Variants in ATRX observed in about 807,000 individuals in gnomAD.
ATRX encodes the protein ATRX chromatin remodeler.
ATRX carries 12 observed loss-of-function variants against 172.6 expected under a neutral mutation model. That is an observed-to-expected ratio of 0.07 (90% confidence interval 0.04 to 0.11). The LOEUF (loss-of-function observed/expected upper bound fraction) is 0.11. Ranked by LOEUF, ATRX falls within the 10% of genes least tolerant of loss-of-function variation. The pLI is 1.00. For missense variants in ATRX, 1,368 were observed against 1,767.4 expected (o/e 0.77, Z 4.05); for synonymous variants, 674 against 594.7 (o/e 1.13, Z -1.94).
rs2148604928 is a variant in ATRX at position 77,683,078 on chromosome X, A to G, written c.2178T>C (p.Asp726=). 1 of 1,210,719 alleles carries G rather than the reference A, an allele frequency of 8.3e-7. No individual in the cohort carries two copies. The highest frequency in any genetic ancestry group is 1.1e-6 in the Non-Finnish European group (1 of 894,977). ...GCATTTCATCAGAATCTGAATTTTG[A>G]TCCACAGTCTCTGATTGCTTAGATT... ...LPKSKQSETV[D]QNSDSDEMLA... The change falls in exon 9 of 35, where the codon GAT becomes GAC. Residue 726 remains aspartate, a synonymous_variant. Transcript: ENST00000373344.
rs1280555560 is a variant in ATRX, at chrX:77,663,406, C to T, written c.4096G>A (p.Val1366Ile). ...CCCTTTCTTCTGTTTCTGCCTTTGA[C>T]TTCTTTATGCTCTTTAGGCTTTGTC... Reference protein sequence around the residue: ...KKTKPKEHKEVKGRNRRKVSS... With the variant: ...KKTKPKEHKEIKGRNRRKVSS... Residue 1366 changes from valine (V) to isoleucine (I), a missense_variant, in exon 12 of 35, where the codon GTC becomes ATC. Transcript: ENST00000373344. 1 of 1,209,975 alleles carries T rather than the reference C, an allele frequency of 8.3e-7. No homozygotes were observed. The highest frequency in any genetic ancestry group is 1.7e-5 in the African/African-American group (1 of 57,246).
rs781860664 is a variant in ATRX at position 77,722,766 on chromosome X, C to T, written c.21-5523G>A. Among the ~76,000 whole-genome samples the T allele has an allele frequency of 1.3e-4, 14 of 111,642 alleles. No individual in the cohort carries two copies. The East Asian group carries it at 3.4e-3, about 27-fold the overall frequency. Reference sequence around the variant, plus strand: ...TGGGAGGGTAAATTAGTTCAACCATCGTGGCAGACAGTGTGGCGATTCCTC... The same window carrying T: ...TGGGAGGGTAAATTAGTTCAACCATTGTGGCAGACAGTGTGGCGATTCCTC... On this transcript the variant is annotated intron_variant, in intron 1 of 34. Transcript: ENST00000373344.
intron 9 of ATRX, among the ~76,000 whole-genome samples, chrX:77,681,100 C>A (rs5912891): frequency 0.52 from 56,912 of 110,261 alleles, 12,893 homozygotes; most frequent in Non-Finnish European, 0.69. Flanking sequence ...ACAAAGTTAT[C>A]TGTTCAAACT....
chrX:77,533,361 T>C (rs1206678544), intron 30 of ATRX, among the ~76,000 whole-genome samples: 1 of 112,058 alleles, frequency 8.9e-6, no homozygotes, highest in Non-Finnish European at 1.9e-5. Flanking sequence ...AAAAGCAAAG[T>C]CATGGAATCA....
At chrX:77,744,752 C>G (rs1222343846) in intron 1 of ATRX, among the ~76,000 whole-genome samples, 1 of 110,759 alleles carries the variant, frequency 9.0e-6, no homozygotes, top group East Asian at 2.8e-4. Context: ...CTTTGAGACA[C>G]CAACGCAGGA....
At position 77,626,502 on chromosome X, in the gene ATRX, T is replaced by C. The variant is rs782546631; in HGVS notation, c.5135-5970A>G. ...ACCTTGAAAGATATGACAAATATAT[T>C]ACTAAATAAAAAGGAGTGTGTTGCA... On this transcript the variant is annotated intron_variant, in intron 19 of 34. Coordinates refer to ENST00000373344, the MANE Select transcript of ATRX (RefSeq NM_000489.6). Among the ~76,000 whole-genome samples, 5 of 111,610 alleles carry C rather than the reference T, an allele frequency of 4.5e-5. No homozygotes were observed. In the South Asian group the frequency reaches 1.9e-3, roughly 42 times the overall value.
chrX:77,517,143 A>T (rs2063079959), intron 34 of ATRX, among the ~76,000 whole-genome samples: 1 of 110,900 alleles, frequency 9.0e-6, no homozygotes, highest in Non-Finnish European at 1.9e-5. Context: ...AAAAACAAAC[A>T]CCTACCAATG....
intron 12 of ATRX, among the ~76,000 whole-genome samples, chrX:77,662,937 C>T (rs2070002999): frequency 8.9e-6 from 1 of 111,877 alleles, no homozygotes; most frequent in African/African-American, 3.3e-5. Flanking sequence ...CCTTGTGATC[C>T]ACCCGACTTG....
At chrX:77,631,013 T>G (rs1439506729) in intron 19 of ATRX, among the ~76,000 whole-genome samples, 2 of 110,639 alleles carry the variant, frequency 1.8e-5, no homozygotes, top group Non-Finnish European at 1.9e-5. Context: ...CAATTTTCAG[T>G]AAAAGGAACC....
intron 27 of ATRX, 152 bp downstream of exon 27, chrX:77,589,682 T>C: frequency 2.3e-6 from 1 of 444,118 alleles, no homozygotes; most frequent in Non-Finnish European, 4.0e-6. Context: ...TATACATATA[T>C]ATGGATAAGG....
chrX:77,724,424 G>A (rs2148785180), intron 1 of ATRX, among the ~76,000 whole-genome samples: 1 of 107,680 alleles, frequency 9.3e-6, no homozygotes, highest in East Asian at 2.9e-4. Context: ...GAGAGAGGGA[G>A]TCTCACTATG....
At chrX:77,633,452 T>C (rs1233789564) in intron 18 of ATRX, 68 bp from the exon 19 acceptor site, 4 of 1,121,435 alleles carry the variant, frequency 3.6e-6, no homozygotes, top group Non-Finnish European at 2.4e-6. Flanking sequence ...ATATTCCCAC[T>C]GAAATATGCA....
intron 2 of ATRX, 26 bp downstream of exon 2, chrX:77,717,105 G>T: frequency 8.9e-7 from 1 of 1,120,155 alleles, no homozygotes; most frequent in South Asian, 1.8e-5. Context: ...AGACTAGAAG[G>T]TATAGCACAT....
intron 27 of ATRX, among the ~76,000 whole-genome samples, chrX:77,585,953 G>A (rs1442346059): frequency 9.0e-6 from 1 of 111,211 alleles, no homozygotes; most frequent in African/African-American, 3.3e-5. Context: ...TTGAACTCAT[G>A]GAGATACAGA....
At chrX:77,652,495 A>T in intron 14 of ATRX, 142 bp from the exon 15 acceptor site, 7 of 499,722 alleles carry the variant, frequency 1.4e-5, no homozygotes, top group Non-Finnish European at 1.5e-5. Flanking sequence ...ATAGAGTAGT[A>T]TTAAAAAAAA....
chrX:77,752,161 A>G (rs1183389303), intron 1 of ATRX, among the ~76,000 whole-genome samples: 7 of 111,847 alleles, frequency 6.3e-5, no homozygotes, highest in African/African-American at 2.3e-4. Flanking sequence ...TTCCTCAAGC[A>G]GTGGTTTGTA....
intron 1 of ATRX, among the ~76,000 whole-genome samples, chrX:77,748,783 C>T (rs2075190425): frequency 9.1e-6 from 1 of 109,527 alleles, no homozygotes; most frequent in African/African-American, 3.3e-5. Context: ...GATGGGATTT[C>T]GCCATGTTGG....
At chrX:77,756,402 G>T (rs1216266067) in intron 1 of ATRX, among the ~76,000 whole-genome samples, 1 of 109,389 alleles carries the variant, frequency 9.1e-6, no homozygotes, top group Non-Finnish European at 1.9e-5. Flanking sequence ...TATGAAGAGG[G>T]GGAAAAAAAA....
chrX:77,579,849 G>A (rs1405135325), intron 27 of ATRX, among the ~76,000 whole-genome samples: 1 of 112,379 alleles, frequency 8.9e-6, no homozygotes, highest in Non-Finnish European at 1.9e-5. Flanking sequence ...GAAAGACAGA[G>A]ATATGTGACC....
Sources: allele counts gnomAD v4.1 joint callset (sites outside exome capture counted in the v4.1 genomes callset), GRCh38; gene constraint gnomAD v4.1.1; transcripts MANE v1.5; gene names NCBI Gene and HGNC (gene_info 2026-07-23, HGNC 2026-07-21).